Variants in ADAM32 observed in about 807,000 individuals in gnomAD.
The protein encoded by ADAM32 is disintegrin and metalloproteinase domain-containing protein 32.
ADAM32 carries 89 observed loss-of-function variants against 114.9 expected under a neutral mutation model. That is an observed-to-expected ratio of 0.77 (90% confidence interval 0.65 to 0.92). The LOEUF (loss-of-function observed/expected upper bound fraction) is 0.92, where lower values mean the gene tolerates loss of function less well. Among genes scored for constraint, ADAM32 ranks in the 40% least tolerant of loss-of-function variants. The pLI, the probability that ADAM32 is intolerant of heterozygous loss-of-function variation, is 0.00. For missense variants in ADAM32, 870 were observed against 932.8 expected, an observed-to-expected ratio of 0.93 and a Z score of 0.88; for synonymous variants, 285 against 307.5, an observed-to-expected ratio of 0.93 and a Z score of 0.77.
chr8:39,133,626 G>C (rs1230834672), intron 2 of ADAM32, among the ~76,000 whole-genome samples: 1 of 152,230 alleles, frequency 6.6e-6, no homozygotes, highest in African/African-American at 2.4e-5. Flanking sequence ...GGTGGCAGTA[G>C]GCTGGGTCAG....
intron 6 of ADAM32, among the ~76,000 whole-genome samples, chr8:39,154,677 T>C (rs560281409): frequency 6.6e-6 from 1 of 152,342 alleles, no homozygotes; most frequent in Non-Finnish European, 1.5e-5. Context: ...GCATTCCTAT[T>C]TCTCCACATC....
chr8:39,129,597 T>C (rs1243688309), intron 2 of ADAM32, among the ~76,000 whole-genome samples: 1 of 152,222 alleles, frequency 6.6e-6, no homozygotes, highest in East Asian at 1.9e-4. Flanking sequence ...TCTGCTAATA[T>C]TTCAAGAGGG....
chr8:39,243,004 C>A (rs1046746426), intron 16 of ADAM32, among the ~76,000 whole-genome samples: 6 of 152,014 alleles, frequency 3.9e-5, no homozygotes, highest in Non-Finnish European at 7.4e-5. Flanking sequence ...ACTATGAACA[C>A]CTTTATGAAC....
At chr8:39,258,293 G>A (rs1423244576) in intron 19 of ADAM32, among the ~76,000 whole-genome samples, 1 of 151,258 alleles carries the variant, frequency 6.6e-6, no homozygotes, top group African/African-American at 2.4e-5. Context: ...CCTTTGCTCT[G>A]TTGTAACTCT....
chr8:39,206,926 G>A (rs1807877860), intron 11 of ADAM32, among the ~76,000 whole-genome samples: 1 of 152,146 alleles, frequency 6.6e-6, no homozygotes, highest in East Asian at 1.9e-4. Context: ...GGTGGGGGAT[G>A]GGGGTGTTTG....
rs1811695296 is a variant in ADAM32 at position 39,257,114 on chromosome 8, T to C, written c.2006-73T>C. 9 of 1,326,934 alleles carry C rather than the reference T, an allele frequency of 6.8e-6. No homozygotes were observed. In the South Asian group the frequency reaches 1.3e-4, roughly 19 times the overall value. The allele number at this position is 1,326,934 out of a possible 1,614,324, so 82.2% of individuals were successfully genotyped here. On this transcript the variant is annotated intron_variant, in intron 18 of 24. Transcript: ENST00000379907. ...TACAAATTCAGAAGATTTTAATGAA[T>C]GTGTTGCAACTTGAAAGTAAAAGTA...
chr8:39,156,187 G>T (rs931295648), intron 6 of ADAM32, among the ~76,000 whole-genome samples: 1 of 152,034 alleles, frequency 6.6e-6, no homozygotes, highest in African/African-American at 2.4e-5. Flanking sequence ...TGTCATCCAG[G>T]CTGGAGTGTG....
upstream of ADAM32, chr8:39,107,556 G>T (rs952879984): frequency 2.2e-5 from 29 of 1,326,482 alleles, no homozygotes; most frequent in Middle Eastern, 5.4e-4. Context: ...CGCGGCTGGG[G>T]TGCGCCGGGA....
chr8:39,254,660 C>G, intron 18 of ADAM32, 144 bp downstream of exon 18: 1 of 553,720 alleles, frequency 1.8e-6, no homozygotes, highest in Non-Finnish European at 3.0e-6. Flanking sequence ...GGAATGGAAA[C>G]CAAACATGCC....
intron 12 of ADAM32, among the ~76,000 whole-genome samples, chr8:39,215,636 C>T (rs1292802974): frequency 6.6e-6 from 1 of 151,998 alleles, no homozygotes; most frequent in African/African-American, 2.4e-5. Flanking sequence ...TTAATCTCCT[C>T]ATTGACCCAC....
chr8:39,277,988 C>T (rs991194527), intron 22 of ADAM32, among the ~76,000 whole-genome samples: 14 of 152,176 alleles, frequency 9.2e-5, no homozygotes, highest in African/African-American at 1.4e-4. Flanking sequence ...AAACTCTTGT[C>T]TGGCATCCAG....
At chr8:39,124,240 C>T (rs1801971621) in intron 2 of ADAM32, among the ~76,000 whole-genome samples, 1 of 152,016 alleles carries the variant, frequency 6.6e-6, no homozygotes, top group African/African-American at 2.4e-5. Context: ...ATGTTCTCAT[C>T]ATTCAGCTCC....
At chr8:39,230,633 G>A (rs1809677072) in intron 14 of ADAM32, among the ~76,000 whole-genome samples, 1 of 152,104 alleles carries the variant, frequency 6.6e-6, no homozygotes, top group Non-Finnish European at 1.5e-5. Flanking sequence ...CTCTGAACTA[G>A]CATTGCCTAT....
chr8:39,122,276 G>A (rs192615274), intron 2 of ADAM32, among the ~76,000 whole-genome samples: 17 of 152,214 alleles, frequency 1.1e-4, no homozygotes, highest in African/African-American at 4.1e-4. Context: ...TGTGTCCCCC[G>A]CCAAATCCAT....
At chr8:39,224,408 CT>C (rs1809201843) in intron 14 of ADAM32, among the ~76,000 whole-genome samples, 2 of 152,142 alleles carry the variant, frequency 1.3e-5, no homozygotes, top group African/African-American at 4.8e-5. Context: ...ATGAGGGTTT[CT>C]TTTCTCCACA....
At chr8:39,142,853 A>G (rs1346821744) in intron 3 of ADAM32, among the ~76,000 whole-genome samples, 1 of 152,058 alleles carries the variant, frequency 6.6e-6, no homozygotes, top group Non-Finnish European at 1.5e-5. Flanking sequence ...TCAAACATAT[A>G]TTTGGTATTT....
chr8:39,168,919 C>A (rs1805021732), intron 9 of ADAM32: 1 of 151,994 alleles, frequency 6.6e-6, no homozygotes, highest in Non-Finnish European at 1.5e-5. Flanking sequence ...AAAAAAAGGG[C>A]TTATTAAAGT....
At chr8:39,151,809 A>T (rs1486105599) in intron 6 of ADAM32, among the ~76,000 whole-genome samples, 1 of 151,218 alleles carries the variant, frequency 6.6e-6, no homozygotes, top group Non-Finnish European at 1.5e-5. Flanking sequence ...GACCACAGAC[A>T]TGCACCACCA....
chr8:39,122,913 T>A (rs1431900433), intron 2 of ADAM32, among the ~76,000 whole-genome samples: 1 of 152,226 alleles, frequency 6.6e-6, no homozygotes, highest in Non-Finnish European at 1.5e-5. Flanking sequence ...AATATTTTAT[T>A]ATGGCAGCCT....
Sources: gnomAD v4.1 joint callset for allele counts (sites outside exome capture counted in the v4.1 genomes callset) on GRCh38, gnomAD v4.1.1 for gene constraint, MANE v1.5 for transcripts, NCBI Gene and HGNC (gene_info 2026-07-23, HGNC 2026-07-21) for gene names.